The following NELL1 variants were observed in gnomAD, a reference collection of about 807,000 sequenced individuals.
NELL1 encodes the protein protein kinase C-binding protein NELL1.
NELL1 carries 76 observed loss-of-function variants against 107.4 expected under a neutral mutation model. The observed-to-expected ratio is 0.71, with a 90% confidence interval of 0.59 to 0.86. The LOEUF is 0.86. Ranked by LOEUF, NELL1 falls within the 40% of genes least tolerant of loss-of-function variation. NELL1 has a pLI of 0.00. For missense variants in NELL1, 1,024 were observed against 1,005.5 expected, an observed-to-expected ratio of 1.02 and a Z score of -0.25; for synonymous variants, 353 against 341.2, an observed-to-expected ratio of 1.03 and a Z score of -0.38.
At chr11:21,294,381 G>C (rs1183894895) in intron 14 of NELL1, among the ~76,000 whole-genome samples, 2 of 152,054 alleles carry the variant, frequency 1.3e-5, no homozygotes, top group Admixed American at 6.6e-5. Flanking sequence ...ATCTACTTGA[G>C]TTTAGCCTTA....
At chr11:21,294,919 G>T (rs1363018721) in intron 14 of NELL1, among the ~76,000 whole-genome samples, 2 of 152,032 alleles carry the variant, frequency 1.3e-5, no homozygotes, top group Non-Finnish European at 2.9e-5. Flanking sequence ...AAAAGCTGAA[G>T]CCCAAGAAGG....
chr11:20,701,058 G>A (rs1590216129), intron 2 of NELL1, among the ~76,000 whole-genome samples: 1 of 152,160 alleles, frequency 6.6e-6, no homozygotes, highest in East Asian at 1.9e-4. Flanking sequence ...GGTATTTCTA[G>A]TTCTAGATCC....
chr11:20,889,486 T>C (rs1025410041), intron 5 of NELL1, among the ~76,000 whole-genome samples: 2 of 152,198 alleles, frequency 1.3e-5, no homozygotes, highest in Non-Finnish European at 2.9e-5. Flanking sequence ...AAAAACTTCC[T>C]GGAAGGAAGA....
intron 12 of NELL1, among the ~76,000 whole-genome samples, chr11:20,993,210 G>C (rs1027836829): frequency 1.2e-4 from 18 of 152,066 alleles, no homozygotes; most frequent in Admixed American, 2.0e-4. Flanking sequence ...TCTCTACTAA[G>C]TTTCATTTTA....
intron 12 of NELL1, among the ~76,000 whole-genome samples, chr11:20,991,988 A>T (rs570204207): frequency 1.3e-5 from 1 of 75,162 alleles, no homozygotes; most frequent in South Asian, 8.0e-4. Flanking sequence ...CCAGTGTAGC[A>T]TGCAAAAAAA....
intron 15 of NELL1, among the ~76,000 whole-genome samples, chr11:21,462,368 T>C (rs930615611): frequency 3.9e-5 from 6 of 152,150 alleles, no homozygotes; most frequent in Non-Finnish European, 7.4e-5. Flanking sequence ...AAGTAGCTTT[T>C]AAATGCAATG....
intron 15 of NELL1, among the ~76,000 whole-genome samples, chr11:21,426,230 C>A (rs773258884): frequency 2.0e-5 from 3 of 152,096 alleles, no homozygotes; most frequent in Admixed American, 6.5e-5. Context: ...TGCACTAGTC[C>A]CTTAGCTTGA....
At chr11:20,787,097 C>T (rs1469974480) in intron 3 of NELL1, among the ~76,000 whole-genome samples, 1 of 146,444 alleles carries the variant, frequency 6.8e-6, no homozygotes, top group East Asian at 2.1e-4. Context: ...TACGAAAAAT[C>T]TCAAACCTCA....
intron 15 of NELL1, among the ~76,000 whole-genome samples, chr11:21,492,144 A>T (rs1854837990): frequency 6.6e-6 from 1 of 152,220 alleles, no homozygotes; most frequent in Admixed American, 6.5e-5. Context: ...ACATGAAAAA[A>T]TGCTCACCAT....
chr11:21,422,977 G>A (rs947579040), intron 15 of NELL1, among the ~76,000 whole-genome samples: 43 of 152,238 alleles, frequency 2.8e-4, no homozygotes, highest in African/African-American at 9.4e-4. Flanking sequence ...TAGGTTAAAA[G>A]TGAAAATATG....
At chr11:21,521,062 G>T (rs1855714029) in intron 15 of NELL1, among the ~76,000 whole-genome samples, 1 of 152,024 alleles carries the variant, frequency 6.6e-6, no homozygotes, top group African/African-American at 2.4e-5. Context: ...CTATGTACCT[G>T]ACTTTTACTG....
intron 14 of NELL1, among the ~76,000 whole-genome samples, chr11:21,363,797 C>T (rs75802323): frequency 0.012 from 1,766 of 152,202 alleles, 24 homozygotes; most frequent in African/African-American, 0.039. Flanking sequence ...AGATGATATA[C>T]AGGAATTCAG....
chr11:21,324,334 A>T (rs1171082040), intron 14 of NELL1, among the ~76,000 whole-genome samples: 2 of 152,078 alleles, frequency 1.3e-5, no homozygotes, highest in Non-Finnish European at 1.5e-5. Context: ...TGGGCCTTTC[A>T]TGGAGAATTA....
intron 12 of NELL1, among the ~76,000 whole-genome samples, chr11:21,105,373 AG>A (rs1164611729): frequency 2.6e-5 from 4 of 152,202 alleles, no homozygotes; most frequent in Non-Finnish European, 4.4e-5. Flanking sequence ...TAGGGCCAAA[AG>A]ACTGGTTGAA....
intron 17 of NELL1, among the ~76,000 whole-genome samples, chr11:21,563,648 A>C (rs1856902407): frequency 6.6e-6 from 1 of 152,070 alleles, no homozygotes; most frequent in South Asian, 2.1e-4. Flanking sequence ...GGTGGTTTGC[A>C]ATACTATGCA....
chr11:20,797,459 C>T (rs1590303654), intron 3 of NELL1, among the ~76,000 whole-genome samples: 1 of 145,662 alleles, frequency 6.9e-6, no homozygotes, highest in Non-Finnish European at 1.5e-5. Context: ...CCAGCTACTT[C>T]GGAGGCTGAG....
chr11:21,268,088 C>T (rs1848670082), intron 14 of NELL1, among the ~76,000 whole-genome samples: 1 of 152,124 alleles, frequency 6.6e-6, no homozygotes, highest in South Asian at 2.1e-4. Flanking sequence ...ACTGGAAAGA[C>T]AGACAGGCAG....
chr11:21,362,378 C>A (rs1392379619), intron 14 of NELL1, among the ~76,000 whole-genome samples: 1 of 152,170 alleles, frequency 6.6e-6, no homozygotes, highest in Non-Finnish European at 1.5e-5. Context: ...GATACCAGCA[C>A]CTACTCTGTT....
intron 15 of NELL1, among the ~76,000 whole-genome samples, chr11:21,457,840 T>C (rs1237186145): frequency 6.6e-6 from 1 of 152,016 alleles, no homozygotes; most frequent in African/African-American, 2.4e-5. Context: ...AAAAAGAAAA[T>C]TGTCATAGGA....
Sources: gnomAD v4.1 joint callset for allele counts (sites outside exome capture counted in the v4.1 genomes callset) on GRCh38, gnomAD v4.1.1 for gene constraint, MANE v1.5 for transcripts, NCBI Gene and HGNC (gene_info 2026-07-23, HGNC 2026-07-21) for gene names.